The following THSD8 variants were observed in gnomAD, a reference collection of about 807,000 sequenced individuals.
The protein encoded by THSD8 is thrombospondin type 1 domain containing 8.
intron 1 of THSD8, among the ~76,000 whole-genome samples, chr19:12,803,608 G>C (rs558002822): frequency 6.6e-6 from 1 of 151,958 alleles, no homozygotes; most frequent in African/African-American, 2.4e-5. Context: ...CCTGAGACTC[G>C]TGGAAATATT....
intron 1 of THSD8, among the ~76,000 whole-genome samples, 180 bp downstream of exon 1, chr19:12,802,399 A>G (rs898205591): frequency 2.0e-5 from 3 of 152,170 alleles, no homozygotes; most frequent in African/African-American, 7.2e-5. Context: ...ATATATTGAA[A>G]TAGATACTGC....
At chr19:12,803,455 C>T (rs1968934031) in intron 1 of THSD8, among the ~76,000 whole-genome samples, 1 of 152,124 alleles carries the variant, frequency 6.6e-6, no homozygotes, top group Non-Finnish European at 1.5e-5. Flanking sequence ...CTTCAAATGG[C>T]GGGCACCAAG....
chr19:12,803,409 T>C (rs1232276630), intron 1 of THSD8, among the ~76,000 whole-genome samples: 1 of 152,190 alleles, frequency 6.6e-6, no homozygotes, highest in African/African-American at 2.4e-5. Context: ...GCCTTCTAGG[T>C]AGGGCCATGG....
At chr19:12,803,911 C>CAAAAAAAAAAAAAAAAAAAA (rs761806696) in intron 1 of THSD8, among the ~76,000 whole-genome samples, 193 bp from the exon 2 acceptor site, 2 of 34,868 alleles carry the variant, frequency 5.7e-5, no homozygotes, top group Admixed American at 3.7e-4. Flanking sequence ...GACCCTGTCT[C>CAAAAAAAAAAAAAAAAAAAA]AAAAAAAAAA....
At chr19:12,802,321 A>C in intron 1 of THSD8, 102 bp downstream of exon 1, 1 of 396,838 alleles carries the variant, frequency 2.5e-6, no homozygotes. Flanking sequence ...GCAAATCTCC[A>C]CCCAGCTCCG....
chr19:12,802,549 A>G (rs1367646239), intron 1 of THSD8, among the ~76,000 whole-genome samples: 1 of 152,198 alleles, frequency 6.6e-6, no homozygotes, highest in African/African-American at 2.4e-5. Context: ...CGATTGCAGA[A>G]GACCCGTGAC....
In THSD8 at chr19:12,803,401, C is replaced by T. The variant is rs567078166; in HGVS notation, c.149-703C>T. 4.6e-5 allele frequency among the ~76,000 whole-genome samples: 7 copies of T among 152,290 alleles called. No homozygotes were observed. In the East Asian group the frequency reaches 1.4e-3, roughly 29 times the overall value. Reference sequence around the variant, plus strand: ...ACCCTGCTGTCAGGTGGCATTGTGCCTTCTAGGTAGGGCCATGGTCACACC... The same window carrying T: ...ACCCTGCTGTCAGGTGGCATTGTGCTTTCTAGGTAGGGCCATGGTCACACC... On this transcript the variant is annotated intron_variant, in intron 1 of 1. Coordinates refer to ENST00000639810, the MANE Select transcript of THSD8 (RefSeq NM_001386800.1).
Position 12,804,289 on chromosome 19 carries a change from G to A in THSD8, c.334G>A (p.Asp112Asn). ...TCCATCCTGCAAGCCCTTCGACTGC[G>A]ACTGGAGGCTCTGAGCCCGGGTGAG... ...DCPSCKPFDCDWRL is the reference protein window; with the variant it reads ...DCPSCKPFDCNWRL Residue 112 changes from aspartate (D) to asparagine (N), a missense_variant, in exon 2 of 2, where the codon GAC becomes AAC. Transcript: ENST00000639810. 2.5e-6 allele frequency: 1 copy of A among 398,634 alleles called. No homozygotes were observed. The highest frequency in any genetic ancestry group is 3.6e-5 in the East Asian group (1 of 28,068). The allele number at this position is 398,634 out of a possible 1,614,324, so 24.7% of individuals were successfully genotyped here. A position where few individuals can be genotyped will look rare whatever the true frequency, so the allele number is the denominator to read the frequency against.
Position 12,802,186 on chromosome 19 carries a change from A to G in THSD8, c.115A>G (p.Ser39Gly), listed in dbSNP as rs1053201605. 60 of 398,564 alleles carry G rather than the reference A, an allele frequency of 1.5e-4. No individual in the cohort carries two copies. The highest frequency in any genetic ancestry group is 1.2e-3 in the African/African-American group (57 of 48,640). The allele number at this position is 398,564 out of a possible 1,614,324, so 24.7% of individuals were successfully genotyped here. A position where few individuals can be genotyped will look rare whatever the true frequency, so the allele number is the denominator to read the frequency against. Reference sequence around the variant, plus strand: ...CTTAGGGCAGCAGGGCGAAGGTGACAGCTGGGAGCAGCTGAGGCTGCAGCA... The same window carrying G: ...CTTAGGGCAGCAGGGCGAAGGTGACGGCTGGGAGCAGCTGAGGCTGCAGCA... ...QYLGQQGEGD[S>G]WEQLRLQHLK... The change falls in exon 1 of 2, where the codon AGC (serine) becomes GGC (glycine). Residue 39 changes from serine (S) to glycine (G), a missense_variant. Coordinates refer to ENST00000639810, the MANE Select transcript of THSD8 (RefSeq NM_001386800.1).
chr19:12,803,911 C>CAGAA (rs1968942017), intron 1 of THSD8, among the ~76,000 whole-genome samples, 193 bp from the exon 2 acceptor site: 1 of 34,868 alleles, frequency 2.9e-5, no homozygotes, highest in African/African-American at 1.1e-4. Context: ...GACCCTGTCT[C>CAGAA]AAAAAAAAAA....
chr19:12,803,514 G>A (rs1476389415), intron 1 of THSD8, among the ~76,000 whole-genome samples: 1 of 152,104 alleles, frequency 6.6e-6, no homozygotes, highest in Non-Finnish European at 1.5e-5. Context: ...GCCTGGAAGT[G>A]TCAGGTTGTA....
intron 1 of THSD8, 123 bp downstream of exon 1, chr19:12,802,342 G>T (rs1174920618): frequency 1.8e-5 from 7 of 396,680 alleles, no homozygotes; most frequent in Non-Finnish European, 3.1e-5. Flanking sequence ...CACTGGAGGC[G>T]TCCCCTTGGG....
chr19:12,803,977 G>T, intron 1 of THSD8, 127 bp from the exon 2 acceptor site: 5 of 177,282 alleles, frequency 2.8e-5, no homozygotes, highest in Non-Finnish European at 5.6e-5. Flanking sequence ...GTCTGGCATA[G>T]AAGCAGAGTC....
chr19:12,803,903 C>A (rs1968941431), intron 1 of THSD8, among the ~76,000 whole-genome samples: 1 of 109,170 alleles, frequency 9.2e-6, no homozygotes, highest in South Asian at 2.8e-4. Context: ...CAGAGCGAGA[C>A]CCTGTCTCAA....
In THSD8 at chr19:12,804,218, A is replaced by C. The variant is rs1968947451; in HGVS notation, c.263A>C (p.Asp88Ala). The change falls in exon 2 of 2, where the codon GAC (aspartate) becomes GCC (alanine). Residue 88 changes from aspartate (D) to alanine (A), a missense_variant. Physicochemically the swap from Asp to Ala is moderately radical, Grantham distance 126. Coordinates refer to ENST00000639810, the MANE Select transcript of THSD8 (RefSeq NM_001386800.1). ...ACAGCGCCGGGCCCGGTTTTCATGG[A>C]CCCGGAGAAGCTGATCCAGTTACGG... The part of the protein sequence containing the change: ...VGTAPGPVFM[D>A]PEKLIQLRPC... 3 of 397,890 alleles carry C rather than the reference A, an allele frequency of 7.5e-6. No homozygotes were observed. The highest frequency in any genetic ancestry group is 8.8e-5 in the Admixed American group (2 of 22,650). The allele number at this position is 397,890 out of a possible 1,614,324, so 24.6% of individuals were successfully genotyped here.
At chr19:12,802,968 C>A (rs1968928094) in intron 1 of THSD8, among the ~76,000 whole-genome samples, 4 of 151,912 alleles carry the variant, frequency 2.6e-5, no homozygotes. Context: ...TTAAAATTAG[C>A]CTGACTTGAT....
rs1215403759 is a variant in THSD8, at chr19:12,802,085, CG to C, written c.19del (p.Ala7ArgfsTer25). On this transcript the variant is annotated frameshift_variant, in exon 1 of 2. Transcript: ENST00000639810. LOFTEE classifies it high-confidence loss of function. The stretch of plus-strand genomic sequence containing the variant: ...TTGGAGTCCAGCATGGCGCGGACCC[CG>C]GGGGCGCTGCTGCTGGCGCCTCTGC... MART[P>X]GALLLAPLLL... The C allele has an allele frequency of 7.5e-6, 3 of 398,490 alleles. No homozygotes were observed. The Admixed American group carries it at 1.3e-4, about 18-fold the overall frequency. The allele number at this position is 398,490 out of a possible 1,614,324, so 24.7% of individuals were successfully genotyped here.
At chr19:12,803,739 C>T (rs577401682) in intron 1 of THSD8, among the ~76,000 whole-genome samples, 225 of 151,456 alleles carry the variant, frequency 1.5e-3, no homozygotes, top group African/African-American at 3.1e-3. Flanking sequence ...GGTGAAACAC[C>T]GTCTCTGCAA....
chr19:12,802,229 G>A lies in THSD8; in HGVS notation c.148+10G>A. 1 of 398,702 alleles carries A rather than the reference G, an allele frequency of 2.5e-6. No individual in the cohort carries two copies. The highest frequency in any genetic ancestry group is 4.4e-6 in the Non-Finnish European group (1 of 226,114). 24.7% of individuals were successfully genotyped at this position (398,702 alleles called of 1,614,324 possible). On this transcript the variant is annotated intron_variant, in intron 1 of 1. Coordinates refer to ENST00000639810, the MANE Select transcript of THSD8 (RefSeq NM_001386800.1). ...CTGCAGCATCTAAAGGGTAACCTCAGGCGGCGGGGATGACGATGCCCAAAG... is the reference window on the plus strand; with the variant it reads ...CTGCAGCATCTAAAGGGTAACCTCAAGCGGCGGGGATGACGATGCCCAAAG...
Sources: gnomAD v4.1 joint callset for allele counts (sites outside exome capture counted in the v4.1 genomes callset) on GRCh38, gnomAD v4.1.1 for gene constraint, MANE v1.5 for transcripts, NCBI Gene and HGNC (gene_info 2026-07-23, HGNC 2026-07-21) for gene names.